AGAP1: variants seen among roughly 807,000 people sequenced by gnomAD.
AGAP1 encodes the protein ArfGAP with GTPase domain, ankyrin repeat and PH domain 1.
AGAP1 carries 29 observed loss-of-function variants against 105.3 expected under a neutral mutation model. The ratio of observed to expected loss-of-function variants is 0.28; its 90% CI spans 0.21 to 0.38. The LOEUF (loss-of-function observed/expected upper bound fraction) is 0.38, where lower values mean the gene tolerates loss of function less well. AGAP1 is among the 10% of genes least tolerant of loss of function. AGAP1 has a pLI of 1.00. For synonymous variants in AGAP1, 509 were observed against 485.9 expected (o/e 1.05, Z -0.63); for missense variants, 998 against 1,165.1 (o/e 0.86, Z 2.09).
At chr2:235,850,827 A>G (rs906416481) in intron 9 of AGAP1, among the ~76,000 whole-genome samples, 1 of 152,150 alleles carries the variant, frequency 6.6e-6, no homozygotes, top group Admixed American at 6.5e-5. Flanking sequence ...CCACCCCACA[A>G]CCCACTCATG....
Position 236,095,583 on chromosome 2 carries a change from C to G in AGAP1, c.2115-24609C>G, listed in dbSNP as rs969107828. ...AAAAAATACAAGAAAAAGGGAAAAT[C>G]TAACAGGAAATTCTCATGTTGGTAG... On this transcript the variant is annotated intron_variant, in intron 16 of 17. Coordinates refer to ENST00000304032, the MANE Select transcript of AGAP1 (RefSeq NM_001037131.3). The surrounding 1 kb of genome is among the most constrained non-coding windows in gnomAD (Gnocchi z 4.1). 2.0e-5 allele frequency among the ~76,000 whole-genome samples: 3 copies of G among 152,124 alleles called. No homozygotes were observed. Among genetic ancestry groups the G allele is most frequent in the African/African-American group, 7.2e-5 (3 of 41,420 alleles).
chr2:235,560,449 G>A (rs1043459037), intron 1 of AGAP1, among the ~76,000 whole-genome samples: 2 of 151,940 alleles, frequency 1.3e-5, no homozygotes, highest in Admixed American at 6.6e-5. Flanking sequence ...CAGAACTTGC[G>A]ATGATGTTAC....
rs1951764378 is a variant in AGAP1, at chr2:235,728,369, C to T, written c.310+10725C>T. On this transcript the variant is annotated intron_variant, in intron 3 of 17. Transcript: ENST00000304032. This position sits in a 1 kb window ranked among gnomAD's most constrained non-coding sequence, Gnocchi z 4.3. ...TGTAAATTAGGCTATATACAGCTGC[C>T]AATAATCTGCAAAAGATGACAGTTT... Among the ~76,000 whole-genome samples the T allele has an allele frequency of 6.6e-6, 1 of 150,724 alleles. No individual in the cohort carries two copies. The highest frequency in any genetic ancestry group is 1.5e-5 in the Non-Finnish European group (1 of 68,012).
At chr2:235,952,552 A>G (rs1167768623) in intron 12 of AGAP1, among the ~76,000 whole-genome samples, 2 of 152,134 alleles carry the variant, frequency 1.3e-5, no homozygotes, top group Admixed American at 1.3e-4. Flanking sequence ...ATCAGTATAG[A>G]ATTAGGATTG....
chr2:235,873,072 A>G (rs1475075226), intron 9 of AGAP1, among the ~76,000 whole-genome samples: 1 of 152,162 alleles, frequency 6.6e-6, no homozygotes, highest in Non-Finnish European at 1.5e-5. Context: ...GCTGAGACCT[A>G]TGGACCCCTG....
In AGAP1 at chr2:235,601,317, A is replaced by G. The variant is rs1445372580; in HGVS notation, c.163+106468A>G. On this transcript the variant is annotated intron_variant, in intron 1 of 17. Transcript: ENST00000304032. The surrounding 1 kb of genome is among the most constrained non-coding windows in gnomAD (Gnocchi z 4.4). ...AGAAGGGAAGGAGAAAGAGATGGAG[A>G]CAGGTTTGCTGTCTCTTCCTCTTGT... is the stretch of plus-strand genomic sequence containing the variant. 6.6e-6 allele frequency among the ~76,000 whole-genome samples: 1 copy of G among 152,100 alleles called. No homozygotes were observed. The highest frequency in any genetic ancestry group is 1.5e-5 in the Non-Finnish European group (1 of 68,008).
chr2:235,985,149 C>T (rs2055261360), intron 13 of AGAP1, among the ~76,000 whole-genome samples: 1 of 152,212 alleles, frequency 6.6e-6, no homozygotes, highest in Non-Finnish European at 1.5e-5. Flanking sequence ...ACCATTCTAA[C>T]TGGCATGAGA....
chr2:235,907,561 A>G (rs1221414234), intron 10 of AGAP1, among the ~76,000 whole-genome samples: 2 of 152,230 alleles, frequency 1.3e-5, no homozygotes, highest in East Asian at 1.9e-4. Flanking sequence ...AAGAAAGAGC[A>G]TATTTATTCC....
chr2:235,605,207 T>C (rs1436481546), intron 1 of AGAP1, among the ~76,000 whole-genome samples: 1 of 152,244 alleles, frequency 6.6e-6, no homozygotes, highest in South Asian at 2.1e-4. Flanking sequence ...TAACATTTAA[T>C]AGTAATAAAT....
intron 9 of AGAP1, among the ~76,000 whole-genome samples, chr2:235,861,651 C>T (rs553591372): frequency 5.4e-4 from 82 of 152,306 alleles, no homozygotes; most frequent in African/African-American, 1.9e-3. Context: ...CAGCTCTCTT[C>T]CCTCTCCTTA....
chr2:235,936,674 C>T lies in AGAP1; in HGVS notation c.1483+5751C>T, dbSNP rs570154442. Among the ~76,000 whole-genome samples the T allele has an allele frequency of 5.9e-5, 9 of 152,114 alleles. No individual in the cohort carries two copies. The South Asian group carries it at 1.7e-3, about 28-fold the overall frequency. On this transcript the variant is annotated intron_variant, in intron 12 of 17. Transcript: ENST00000304032. The surrounding 1 kb of genome is among the most constrained non-coding windows in gnomAD (Gnocchi z 4.7). ...ATTTTAGTGTATGACCAGCAGGCGG[C>T]GGTAATGTGATACTGCCGGTCTCTG... is the stretch of plus-strand genomic sequence containing the variant.
rs1252215006 is a variant in AGAP1, at chr2:235,989,953, T to A, written c.1645+21330T>A. 6.6e-6 allele frequency among the ~76,000 whole-genome samples: 1 copy of A among 151,732 alleles called. No homozygotes were observed. The highest frequency in any genetic ancestry group is 2.4e-5 in the African/African-American group (1 of 41,250). On this transcript the variant is annotated intron_variant, in intron 13 of 17. Coordinates refer to ENST00000304032, the MANE Select transcript of AGAP1 (RefSeq NM_001037131.3). This position sits in a 1 kb window ranked among gnomAD's most constrained non-coding sequence, Gnocchi z 4.4. ...AGATCATTCAAATGCGTAGCCGGGG[T>A]TGGGAACCAGTGGTTTAGGTTAAGA...
At chr2:235,658,116 T>C (rs539361822) in intron 1 of AGAP1, among the ~76,000 whole-genome samples, 3 of 152,304 alleles carry the variant, frequency 2.0e-5, no homozygotes, top group South Asian at 2.1e-4. Context: ...GCTTCAAATG[T>C]TATGAACATT....
At chr2:235,519,466 G>C (rs1479567353) in intron 1 of AGAP1, among the ~76,000 whole-genome samples, 1 of 152,100 alleles carries the variant, frequency 6.6e-6, no homozygotes, top group East Asian at 1.9e-4. Flanking sequence ...TAAGAGTATT[G>C]AGTGATAATT....
intron 1 of AGAP1, among the ~76,000 whole-genome samples, chr2:235,616,359 C>CAA (rs796596364): frequency 3.6e-5 from 4 of 111,632 alleles, no homozygotes; most frequent in South Asian, 2.8e-4. Context: ...GACTCCATCT[C>CAA]AAAAAAAAAA....
rs1959205481 is a variant in AGAP1 at position 235,830,070 on chromosome 2, T to C, written c.1050+22739T>C. ...GGGTGGGACAGCATGATGCAGAGCT[T>C]TGGCGGCTGGCTGATGGAGTCGTTC... On this transcript the variant is annotated intron_variant, in intron 9 of 17. Coordinates refer to ENST00000304032, the MANE Select transcript of AGAP1 (RefSeq NM_001037131.3). This position sits in a 1 kb window ranked among gnomAD's most constrained non-coding sequence, Gnocchi z 5.5. Among the ~76,000 whole-genome samples the C allele has an allele frequency of 6.6e-6, 1 of 152,096 alleles. No individual in the cohort carries two copies. Among genetic ancestry groups the C allele is most frequent in the East Asian group, 1.9e-4 (1 of 5,174 alleles).
intron 1 of AGAP1, among the ~76,000 whole-genome samples, chr2:235,547,651 G>T (rs569641886): frequency 1.1e-4 from 17 of 152,106 alleles, no homozygotes; most frequent in Non-Finnish European, 2.5e-4. Context: ...ATACCACCAC[G>T]CTCAACTAAT....
rs562162485 is a variant in AGAP1, at chr2:235,956,120, T to C, written c.1484-12342T>C. Among the ~76,000 whole-genome samples the C allele has an allele frequency of 4.6e-5, 7 of 152,262 alleles. No individual in the cohort carries two copies. The South Asian group carries it at 1.5e-3, about 32-fold the overall frequency. ...CCCTCACACGTGAAACAGAATCTCTTTTCAATTTAGCAGATCTGAGCACCC... is the reference window on the plus strand; with the variant it reads ...CCCTCACACGTGAAACAGAATCTCTCTTCAATTTAGCAGATCTGAGCACCC... On this transcript the variant is annotated intron_variant, in intron 12 of 17. Transcript: ENST00000304032.
At position 236,109,234 on chromosome 2, in the gene AGAP1, T is replaced by G. The variant is rs1024296005; in HGVS notation, c.2115-10958T>G. ...GCATAGATGACAGTGCCACCAGCAG[T>G]GACCAAGCTCACCTCTGGGACTCAG... On this transcript the variant is annotated intron_variant, in intron 16 of 17. Transcript: ENST00000304032. The surrounding 1 kb of genome is among the most constrained non-coding windows in gnomAD (Gnocchi z 5.4). 1.3e-5 allele frequency among the ~76,000 whole-genome samples: 2 copies of G among 152,198 alleles called. No individual in the cohort carries two copies. Among genetic ancestry groups the G allele is most frequent in the Non-Finnish European group, 2.9e-5 (2 of 68,034 alleles).
Sources: gnomAD v4.1 joint callset for allele counts (sites outside exome capture counted in the v4.1 genomes callset) on GRCh38, gnomAD v4.1.1 for gene constraint, Gnocchi (gnomAD v3.1) non-coding constraint, MANE v1.5 for transcripts, NCBI Gene and HGNC (gene_info 2026-07-23, HGNC 2026-07-21) for gene names.